GALNT9: variants seen among roughly 807,000 people sequenced by gnomAD.
The protein encoded by GALNT9 is polypeptide N-acetylgalactosaminyltransferase 9.
In GALNT9, 47 loss-of-function variants were observed where a neutral mutation model predicts 63.1. That is an observed-to-expected ratio of 0.75 (90% CI 0.59 to 0.95). GALNT9 has a LOEUF of 0.95. Among genes scored for constraint, GALNT9 ranks in the 40% least tolerant of loss-of-function variants. GALNT9 has a pLI of 0.00. For missense variants in GALNT9, 829 were observed against 874.8 expected (o/e 0.95, Z 0.66); for synonymous variants, 396 against 365.7 (o/e 1.08, Z -0.94).
chr12:132,303,480 GGC>G (rs1555244109), intron 1 of GALNT9, among the ~76,000 whole-genome samples: 6 of 75,184 alleles, frequency 8.0e-5, no homozygotes, highest in African/African-American at 3.3e-4. Context: ...CCCTCACCCG[GGC>G]ACAGAATCGC....
intron 6 of GALNT9, among the ~76,000 whole-genome samples, chr12:132,243,330 C>G (rs1235964093): frequency 2.0e-5 from 3 of 151,938 alleles, no homozygotes; most frequent in Admixed American, 6.6e-5. Context: ...ACCACACACC[C>G]TTCCCGGGGG....
At position 132,246,800 on chromosome 12, in the gene GALNT9, G is replaced by A. The variant is rs1293266982; in HGVS notation, c.1077+1110C>T. ...CCCACCTCTGCCTCCCACAGTGTTG[G>A]GATTACAGGCGTGAGCCTCAGTGCC... is the stretch of plus-strand genomic sequence containing the variant. On this transcript the variant is annotated intron_variant, in intron 6 of 10. Transcript: ENST00000328957. The surrounding 1 kb of genome is among the most constrained non-coding windows in gnomAD (Gnocchi z 4.7). Among the ~76,000 whole-genome samples the A allele has an allele frequency of 6.6e-6, 1 of 152,196 alleles. No individual in the cohort carries two copies. Among genetic ancestry groups the A allele is most frequent in the African/African-American group, 2.4e-5 (1 of 41,432 alleles).
intron 6 of GALNT9, among the ~76,000 whole-genome samples, chr12:132,215,023 C>T (rs1052986282): frequency 1.4e-4 from 22 of 152,356 alleles, no homozygotes; most frequent in African/African-American, 5.3e-4. Context: ...CTGTAGCACC[C>T]TCCGCTGGTG....
intron 1 of GALNT9, among the ~76,000 whole-genome samples, chr12:132,297,493 T>C (rs1388412435): frequency 6.8e-6 from 1 of 146,700 alleles, no homozygotes; most frequent in Non-Finnish European, 1.5e-5. Flanking sequence ...CTGAGATGAC[T>C]GAGTCTCTCC....
At chr12:132,269,144 TG>T (rs2135549803) in intron 2 of GALNT9, among the ~76,000 whole-genome samples, 1 of 152,158 alleles carries the variant, frequency 6.6e-6, no homozygotes, top group East Asian at 1.9e-4. Flanking sequence ...GCACAGAGGG[TG>T]GGCTGTGCAG....
In GALNT9 at chr12:132,319,601, G is replaced by A. The variant is rs138403255; in HGVS notation, c.238+9365C>T. On this transcript the variant is annotated intron_variant, in intron 1 of 10. Coordinates refer to ENST00000328957, the MANE Select transcript of GALNT9 (RefSeq NM_001122636.2). This position sits in a 1 kb window ranked among gnomAD's most constrained non-coding sequence, Gnocchi z 5.2. ...CCTCTTGGGTCTCTCTCTATCCGCC[G>A]GCTCCTTTCCTCGGGAGAGCCCTGA... Among the ~76,000 whole-genome samples, 201 of 152,222 alleles carry A rather than the reference G, an allele frequency of 1.3e-3. 1 individual carries two copies. The highest frequency in any genetic ancestry group is 4.6e-3 in the African/African-American group (191 of 41,532).
intron 1 of GALNT9, among the ~76,000 whole-genome samples, chr12:132,304,230 G>C (rs187054554): frequency 2.4e-3 from 28 of 11,674 alleles, no homozygotes; most frequent in South Asian, 5.2e-3. Flanking sequence ...CATCCTCACC[G>C]GGGCACACCC....
intron 6 of GALNT9, among the ~76,000 whole-genome samples, chr12:132,237,305 A>G (rs1469967911): frequency 6.6e-6 from 1 of 151,606 alleles, no homozygotes; most frequent in Non-Finnish European, 1.5e-5. Context: ...CATCCACACC[A>G]GTTCACAGCT....
rs1393581948 is a variant in GALNT9 at position 132,226,147 on chromosome 12, CCACA to C, written c.1077+21759_1077+21762del. Among the ~76,000 whole-genome samples, 8 of 145,880 alleles carry C rather than the reference CCACA, an allele frequency of 5.5e-5. No individual in the cohort carries two copies. In the East Asian group the frequency reaches 8.1e-4, roughly 15 times the overall value. On this transcript the variant is annotated intron_variant, in intron 6 of 10. Coordinates refer to ENST00000328957, the MANE Select transcript of GALNT9 (RefSeq NM_001122636.2). ...ACACCCCACACTGTACATACACACC[CCACA>C]CATACACCCCATACACACCATATAC... is the stretch of plus-strand genomic sequence containing the variant.
chr12:132,258,921 G>A (rs1024114541), intron 4 of GALNT9, among the ~76,000 whole-genome samples: 11 of 151,948 alleles, frequency 7.2e-5, no homozygotes, highest in African/African-American at 2.7e-4. Context: ...TGCAGTGAGA[G>A]GCTGGATGGC....
rs114345046 is a variant in GALNT9 at position 132,277,533 on chromosome 12, C to G, written c.419+8717G>C. Reference sequence around the variant, plus strand: ...GGGGGGTTCTGGGTTGCAGCTGGAGCGCTGGGACTGGCAGGACGCCTCTCT... The same window carrying G: ...GGGGGGTTCTGGGTTGCAGCTGGAGGGCTGGGACTGGCAGGACGCCTCTCT... On this transcript the variant is annotated intron_variant, in intron 2 of 10. Transcript: ENST00000328957. 1,298 of 153,934 alleles carry G rather than the reference C, an allele frequency of 8.4e-3. 16 individuals carry two copies. Among genetic ancestry groups the G allele is most frequent in the African/African-American group, 0.028 (1,174 of 41,612 alleles). The allele number at this position is 153,934 out of a possible 1,614,324, so 9.5% of individuals were successfully genotyped here. A position where few individuals can be genotyped will look rare whatever the true frequency, so the allele number is the denominator to read the frequency against.
chr12:132,325,515 G>A (rs28698471), intron 1 of GALNT9, among the ~76,000 whole-genome samples: 15,745 of 152,270 alleles, frequency 0.1, 1,075 homozygotes, highest in Admixed American at 0.17. Flanking sequence ...CGTGCAATGA[G>A]CGTGCACCAC....
At chr12:132,293,654 G>A (rs1880942030) in intron 1 of GALNT9, among the ~76,000 whole-genome samples, 1 of 152,266 alleles carries the variant, frequency 6.6e-6, no homozygotes, top group African/African-American at 2.4e-5. Context: ...CCTGTGTACA[G>A]TCGGAGCTGG....
At position 132,245,585 on chromosome 12, in the gene GALNT9, C is replaced by T. The variant is rs1772999860; in HGVS notation, c.1077+2325G>A. ...GCCAGGGCCCTCCGTGGTCCGGCAC[C>T]CACACCCCCAGCCCAGCCTGCTGAC... On this transcript the variant is annotated intron_variant, in intron 6 of 10. Transcript: ENST00000328957. The surrounding 1 kb of genome is among the most constrained non-coding windows in gnomAD (Gnocchi z 6.3). Among the ~76,000 whole-genome samples, 1 of 152,008 alleles carries T rather than the reference C, an allele frequency of 6.6e-6. No individual in the cohort carries two copies. The highest frequency in any genetic ancestry group is 2.4e-5 in the African/African-American group (1 of 41,342).
Position 132,245,372 on chromosome 12 carries a change from G to A in GALNT9, c.1077+2538C>T, listed in dbSNP as rs1391477408. On this transcript the variant is annotated intron_variant, in intron 6 of 10. Transcript: ENST00000328957. This position sits in a 1 kb window ranked among gnomAD's most constrained non-coding sequence, Gnocchi z 6.3. ...CAGGAGAATCAGTTGAACCCGGGAGGTGGAGGTTGCAGTGAGCAGAGATCG... is the reference window on the plus strand; with the variant it reads ...CAGGAGAATCAGTTGAACCCGGGAGATGGAGGTTGCAGTGAGCAGAGATCG... Among the ~76,000 whole-genome samples the A allele has an allele frequency of 1.3e-5, 2 of 152,108 alleles. No homozygotes were observed. Among genetic ancestry groups the A allele is most frequent in the Non-Finnish European group, 2.9e-5 (2 of 68,008 alleles).
rs1878006408 is a variant in GALNT9 at position 132,236,432 on chromosome 12, C to G, written c.1077+11478G>C. 1.3e-5 allele frequency among the ~76,000 whole-genome samples: 2 copies of G among 152,098 alleles called. No homozygotes were observed. Among genetic ancestry groups the G allele is most frequent in the Non-Finnish European group, 2.9e-5 (2 of 67,982 alleles). ...GACCCCACAGCGTCTGCGGAGCTCC[C>G]TGAGGCCCCATAGCACCTGTCATCA... On this transcript the variant is annotated intron_variant, in intron 6 of 10. Coordinates refer to ENST00000328957, the MANE Select transcript of GALNT9 (RefSeq NM_001122636.2). The surrounding 1 kb of genome is among the most constrained non-coding windows in gnomAD (Gnocchi z 5.6).
chr12:132,216,091 AACAGAG>A (rs1380209281), intron 6 of GALNT9, among the ~76,000 whole-genome samples: 1 of 146,166 alleles, frequency 6.8e-6, no homozygotes. Context: ...GAGACACAGA[AACAGAG>A]ACAGAAAGAT....
intron 1 of GALNT9, among the ~76,000 whole-genome samples, chr12:132,304,429 A>G (rs1881474979): frequency 1.2e-5 from 1 of 81,632 alleles, no homozygotes; most frequent in Non-Finnish European, 2.4e-5. Context: ...ACCCGGGCAC[A>G]GCCTCGCCCG....
At position 132,256,903 on chromosome 12, in the gene GALNT9, G is replaced by T. The variant is rs1243397399; in HGVS notation, c.959+786C>A. Among the ~76,000 whole-genome samples, 6 of 152,250 alleles carry T rather than the reference G, an allele frequency of 3.9e-5. No homozygotes were observed. In the East Asian group the frequency reaches 1.2e-3, roughly 29 times the overall value. On this transcript the variant is annotated intron_variant, in intron 5 of 10. Transcript: ENST00000328957. ...TTGAATTTGCATCTCCCTGGACTGTGGGGAGCACATTTCATGAGCTTGCTG... is the reference window on the plus strand; with the variant it reads ...TTGAATTTGCATCTCCCTGGACTGTTGGGAGCACATTTCATGAGCTTGCTG...
Sources: gnomAD v4.1 joint callset for allele counts (sites outside exome capture counted in the v4.1 genomes callset) on GRCh38, gnomAD v4.1.1 for gene constraint, Gnocchi (gnomAD v3.1) non-coding constraint, MANE v1.5 for transcripts, NCBI Gene and HGNC (gene_info 2026-07-23, HGNC 2026-07-21) for gene names.